SPAG6: variants seen among roughly 807,000 people sequenced by gnomAD.
SPAG6 encodes sperm associated antigen 6.
In SPAG6, 49 loss-of-function variants were observed where a neutral mutation model predicts 58.5. That is an observed-to-expected ratio of 0.84 (90% CI 0.67 to 1.06). The LOEUF (loss-of-function observed/expected upper bound fraction) is 1.06, where lower values mean the gene tolerates loss of function less well. Among genes scored for constraint, SPAG6 ranks in the 50% least tolerant of loss-of-function variants. SPAG6 has a pLI of 0.00. For missense variants in SPAG6, 560 were observed against 611.3 expected (o/e 0.92, Z 0.89); for synonymous variants, 233 against 225.6 (o/e 1.03, Z -0.29).
At chr10:22,372,670 TG>T (rs1461975662) in intron 4 of SPAG6, among the ~76,000 whole-genome samples, 12 of 152,058 alleles carry the variant, frequency 7.9e-5, no homozygotes, top group African/African-American at 2.9e-4. Context: ...AGCAGCAGCC[TG>T]GCTGCAAGTG....
At chr10:22,399,899 A>G (rs1834371699) in intron 8 of SPAG6, among the ~76,000 whole-genome samples, 1 of 152,204 alleles carries the variant, frequency 6.6e-6, no homozygotes, top group Non-Finnish European at 1.5e-5. Flanking sequence ...ATTCCAACTT[A>G]CATTATACTA....
At chr10:22,368,849 C>CA (rs140189774) in intron 4 of SPAG6, among the ~76,000 whole-genome samples, 171 bp downstream of exon 4, 93 of 148,930 alleles carry the variant, frequency 6.2e-4, no homozygotes, top group Admixed American at 8.0e-4. Context: ...CATATATTCA[C>CA]AAAAAAAAAC....
intron 2 of SPAG6, among the ~76,000 whole-genome samples, chr10:22,359,815 T>G (rs899606946): frequency 4.6e-5 from 7 of 152,216 alleles, no homozygotes; most frequent in African/African-American, 1.7e-4. Flanking sequence ...TGTTTTATTT[T>G]TCATTTAACT....
At chr10:22,348,140 G>A (rs372413273) in intron 2 of SPAG6, among the ~76,000 whole-genome samples, 11 of 152,110 alleles carry the variant, frequency 7.2e-5, no homozygotes, top group South Asian at 2.1e-4. Flanking sequence ...ACAGGTGTGC[G>A]CCACCATGCC....
At chr10:22,402,046 G>T (rs1003426969) in intron 9 of SPAG6, among the ~76,000 whole-genome samples, 3 of 152,154 alleles carry the variant, frequency 2.0e-5, no homozygotes, top group African/African-American at 7.2e-5. Flanking sequence ...CCACTTACCA[G>T]CTCTGTAATT....
intron 8 of SPAG6, among the ~76,000 whole-genome samples, chr10:22,397,873 C>T (rs1197194107): frequency 1.3e-5 from 2 of 151,970 alleles, no homozygotes; most frequent in East Asian, 3.9e-4. Context: ...CTATCAAAAT[C>T]CTAGCTGGCT....
intron 4 of SPAG6, among the ~76,000 whole-genome samples, chr10:22,378,909 C>T (rs1833885924): frequency 6.6e-6 from 1 of 152,168 alleles, no homozygotes; most frequent in African/African-American, 2.4e-5. Context: ...AGATCAATGG[C>T]TTATTTGACT....
At chr10:22,368,701 A>G in intron 4 of SPAG6, 23 bp downstream of exon 4, 2 of 1,550,648 alleles carry the variant, frequency 1.3e-6, no homozygotes, top group South Asian at 1.1e-5. Flanking sequence ...ATGCAGGAGC[A>G]TATTTTAAAA....
intron 10 of SPAG6, among the ~76,000 whole-genome samples, chr10:22,416,304 T>A (rs1016668179): frequency 2.6e-5 from 4 of 152,162 alleles, no homozygotes; most frequent in Non-Finnish European, 5.9e-5. Context: ...AGCCACTTGA[T>A]GTGATTAAAA....
At position 22,345,807 on chromosome 10, in the gene SPAG6, T is replaced by G. The variant is rs1836505915; in HGVS notation, c.110T>G (p.Leu37Arg). Residue 37 changes from leucine (L) to arginine (R), a missense_variant, in exon 2 of 11, where the codon CTG (leucine) becomes CGG (arginine). Leu to Arg is a moderately radical substitution (Grantham distance 102). Transcript: ENST00000376624. The surrounding 1 kb of genome is among the most constrained non-coding windows in gnomAD (Gnocchi z 6.3). ...LATRPQNIET[L>R]QNAGVMSLLR... ...ACTAGACCCCAAAACATCGAGACGC[T>G]GCAGAACGCGGGTGAGCCCGGAGCC... 1 of 1,613,284 alleles carries G rather than the reference T, an allele frequency of 6.2e-7. No individual in the cohort carries two copies. Among genetic ancestry groups the G allele is most frequent in the East Asian group, 2.2e-5 (1 of 44,846 alleles).
At chr10:22,391,680 T>G (rs759445072) in intron 7 of SPAG6, 49 bp from the exon 8 acceptor site, 1 of 1,552,426 alleles carries the variant, frequency 6.4e-7, no homozygotes, top group Non-Finnish European at 8.8e-7. Flanking sequence ...GAAGACTCTT[T>G]AATCCTGCTC....
intron 10 of SPAG6, chr10:22,412,442 C>T: frequency 1.3e-6 from 2 of 1,505,980 alleles, no homozygotes; most frequent in Non-Finnish European, 1.8e-6. Flanking sequence ...TATTTTTACC[C>T]AGTAAATTCT....
At chr10:22,413,718 A>C (rs11012988) in intron 10 of SPAG6, among the ~76,000 whole-genome samples, 3 of 134,502 alleles carry the variant, frequency 2.2e-5, no homozygotes, top group African/African-American at 1.2e-4. Flanking sequence ...TTTCACCCAC[A>C]CAGGGCAAGT....
intron 4 of SPAG6, among the ~76,000 whole-genome samples, chr10:22,386,190 A>G (rs1050599868): frequency 1.3e-5 from 2 of 152,144 alleles, no homozygotes; most frequent in African/African-American, 2.4e-5. Context: ...CTCATTTTTG[A>G]AAGTATTTTT....
intron 4 of SPAG6, among the ~76,000 whole-genome samples, chr10:22,371,522 A>G (rs1833693861): frequency 6.6e-6 from 1 of 152,162 alleles, no homozygotes. Flanking sequence ...AAAGTGCTGG[A>G]TTACAGGCGT....
At chr10:22,363,474 G>A (rs950461091) in intron 2 of SPAG6, among the ~76,000 whole-genome samples, 24 of 152,282 alleles carry the variant, frequency 1.6e-4, no homozygotes, top group Middle Eastern at 3.4e-3. Flanking sequence ...ACCAGCCTTC[G>A]TGGGATTCAC....
intron 4 of SPAG6, among the ~76,000 whole-genome samples, chr10:22,379,809 T>C (rs1206943785): frequency 2.0e-5 from 3 of 152,242 alleles, no homozygotes; most frequent in Non-Finnish European, 4.4e-5. Flanking sequence ...AAGAGATTTT[T>C]CTTTGAGACA....
chr10:22,347,086 C>T (rs963168238), intron 2 of SPAG6, among the ~76,000 whole-genome samples: 2 of 152,084 alleles, frequency 1.3e-5, no homozygotes, highest in African/African-American at 4.8e-5. Flanking sequence ...CCGTGCGTAT[C>T]CACCACCAGC....
At chr10:22,365,051 T>C in intron 3 of SPAG6, 32 bp downstream of exon 3, 1 of 1,515,680 alleles carries the variant, frequency 6.6e-7, no homozygotes, top group Non-Finnish European at 8.9e-7. Flanking sequence ...TTATATGTTT[T>C]TTTGTTTTAG....
Sources: allele counts gnomAD v4.1 joint callset (sites outside exome capture counted in the v4.1 genomes callset), GRCh38; gene constraint gnomAD v4.1.1; non-coding constraint Gnocchi (gnomAD v3.1); transcripts MANE v1.5; gene names NCBI Gene and HGNC (gene_info 2026-07-23, HGNC 2026-07-21).